Variants in LIN9 observed in about 807,000 individuals in gnomAD.
The protein encoded by LIN9 is lin-9 DREAM MuvB core complex component.
Under a neutral mutation model 78.0 loss-of-function variants are expected in LIN9, and 18 were observed. That is an observed-to-expected ratio of 0.23 (90% CI 0.16 to 0.34). The LOEUF (loss-of-function observed/expected upper bound fraction) is 0.34, where lower values mean the gene tolerates loss of function less well. Ranked by LOEUF, LIN9 falls within the 10% of genes least tolerant of loss-of-function variation. The pLI is 1.00. For synonymous variants in LIN9, 192 were observed against 215.2 expected (o/e 0.89, Z 0.94); for missense variants, 451 against 644.1 (o/e 0.70, Z 3.25).
At position 226,301,684 on chromosome 1, in the gene LIN9, C is replaced by T. The variant is rs117247239; in HGVS notation, c.32-479G>A. Among the ~76,000 whole-genome samples, 636 of 152,332 alleles carry T rather than the reference C, an allele frequency of 4.2e-3. 25 individuals are homozygous for T. In the South Asian group the frequency reaches 0.076, roughly 18 times the overall value. On this transcript the variant is annotated intron_variant, in intron 1 of 14. Coordinates refer to ENST00000681046, the MANE Select transcript of LIN9 (RefSeq NM_001366245.2). ...GTCTAGAATGCAGGTATATGTGATA[C>T]TTCAAGATCTAAGCTGGAAAAGGGA...
At chr1:226,300,196 C>T (rs1662436865) in intron 2 of LIN9, among the ~76,000 whole-genome samples, 1 of 152,046 alleles carries the variant, frequency 6.6e-6, no homozygotes, top group African/African-American at 2.4e-5. Flanking sequence ...CCTCAGCCTC[C>T]CAAAGTGCCG....
chr1:226,277,672 C>A, intron 7 of LIN9, 103 bp downstream of exon 7: 1 of 1,021,370 alleles, frequency 9.8e-7, no homozygotes. Flanking sequence ...GTAAATATTT[C>A]TTGGTAATTA....
chr1:226,251,054 A>G, intron 10 of LIN9, 135 bp from the exon 11 acceptor site: 2 of 504,788 alleles, frequency 4.0e-6, no homozygotes, highest in Non-Finnish European at 6.9e-6. Flanking sequence ...ATAGCATAGC[A>G]TTGTTTTGGT....
intron 1 of LIN9, among the ~76,000 whole-genome samples, chr1:226,306,488 G>A (rs879841596): frequency 2.6e-5 from 4 of 152,172 alleles, no homozygotes; most frequent in Admixed American, 6.5e-5. Flanking sequence ...AGGGGCCTTT[G>A]AAGCATCTAA....
At chr1:226,307,148 A>T (rs1662967428) in intron 1 of LIN9, among the ~76,000 whole-genome samples, 1 of 152,248 alleles carries the variant, frequency 6.6e-6, no homozygotes, top group East Asian at 1.9e-4. Flanking sequence ...TGGCAGTTGT[A>T]AGAAAGCCAC....
At chr1:226,234,016 G>A (rs372989634) in intron 12 of LIN9, among the ~76,000 whole-genome samples, 2 of 152,050 alleles carry the variant, frequency 1.3e-5, no homozygotes, top group South Asian at 4.1e-4. Context: ...ATGCATTTTT[G>A]GGCAGAAATA....
At chr1:226,309,581 G>A, upstream of LIN9, 1 of 1,224,188 alleles carries the variant, frequency 8.2e-7, no homozygotes, top group Non-Finnish European at 1.1e-6. Context: ...CCTCGGTTCT[G>A]GGTCGCATTG....
In LIN9 at chr1:226,277,829, T is replaced by G; in HGVS notation, c.628A>C (p.Lys210Gln). 6.2e-7 allele frequency: 1 copy of G among 1,613,970 alleles called. No individual in the cohort carries two copies. Among genetic ancestry groups the G allele is most frequent in the Non-Finnish European group, 8.5e-7 (1 of 1,179,930 alleles). ...QRKVADVSQF[K>Q]DLPDEIPLPL... ...AAAGGAATTTCATCTGGGAGATCTT[T>G]GAATTGTGAAACATCTGCAACTTTC... Residue 210 changes from lysine to glutamine, a missense_variant, in exon 7 of 15, where the codon AAA becomes CAA. Coordinates refer to ENST00000681046, the MANE Select transcript of LIN9 (RefSeq NM_001366245.2).
At chr1:226,252,051 T>C (rs993176024) in intron 10 of LIN9, among the ~76,000 whole-genome samples, 3 of 151,962 alleles carry the variant, frequency 2.0e-5, no homozygotes, top group African/African-American at 7.3e-5. Context: ...GCCCAAGAGT[T>C]TGTGACCACC....
At chr1:226,289,890 T>C (rs1404258145) in intron 4 of LIN9, among the ~76,000 whole-genome samples, 1 of 137,628 alleles carries the variant, frequency 7.3e-6, no homozygotes, top group Non-Finnish European at 1.5e-5. Flanking sequence ...CTTCATCCCT[T>C]ACTGCAAAAT....
At chr1:226,308,364 T>A (rs1431427523) in intron 1 of LIN9, among the ~76,000 whole-genome samples, 1 of 105,572 alleles carries the variant, frequency 9.5e-6, no homozygotes, top group African/African-American at 3.6e-5. Flanking sequence ...AGGGTACACG[T>A]ACGCTGTGTT....
At chr1:226,268,601 T>C (rs940525826) in intron 7 of LIN9, among the ~76,000 whole-genome samples, 1 of 152,214 alleles carries the variant, frequency 6.6e-6, no homozygotes, top group African/African-American at 2.4e-5. Flanking sequence ...GGTTTTACTG[T>C]GTCTAGATTG....
chr1:226,295,267 T>C (rs1000838398), intron 4 of LIN9, among the ~76,000 whole-genome samples: 12 of 151,692 alleles, frequency 7.9e-5, no homozygotes, highest in African/African-American at 2.7e-4. Flanking sequence ...CTGGCCAACA[T>C]GGTGAAACCC....
intron 1 of LIN9, 76 bp downstream of exon 1, chr1:226,309,033 C>G: frequency 2.3e-6 from 3 of 1,282,286 alleles, no homozygotes; most frequent in Non-Finnish European, 1.0e-6. Context: ...AGGGCACGGC[C>G]GTCCGTCCCG....
chr1:226,284,949 A>C (rs2102620964), intron 6 of LIN9, among the ~76,000 whole-genome samples: 1 of 152,276 alleles, frequency 6.6e-6, no homozygotes, highest in East Asian at 1.9e-4. Flanking sequence ...GATTTTTAAA[A>C]TTAAGATATT....
At chr1:226,245,733 GA>G (rs1658435904) in intron 11 of LIN9, among the ~76,000 whole-genome samples, 1 of 151,982 alleles carries the variant, frequency 6.6e-6, no homozygotes, top group African/African-American at 2.4e-5. Context: ...GCGTAGCTGG[GA>G]TTATAGCTGT....
At chr1:226,253,861 G>A (rs1659014129) in intron 10 of LIN9, among the ~76,000 whole-genome samples, 1 of 152,034 alleles carries the variant, frequency 6.6e-6, no homozygotes, top group Non-Finnish European at 1.5e-5. Context: ...TCTGCAATGA[G>A]CTAAGATCAC....
intron 4 of LIN9, among the ~76,000 whole-genome samples, chr1:226,292,673 C>G (rs1365572028): frequency 6.6e-6 from 1 of 152,142 alleles, no homozygotes; most frequent in Non-Finnish European, 1.5e-5. Context: ...GTTGCCCAAG[C>G]TGGTCTCAAA....
In LIN9 at chr1:226,239,056, C is replaced by G; in HGVS notation, c.1160G>C (p.Arg387Thr). 6.2e-7 allele frequency: 1 copy of G among 1,613,754 alleles called. No homozygotes were observed. Among genetic ancestry groups the G allele is most frequent in the Non-Finnish European group, 8.5e-7 (1 of 1,179,880 alleles). ...AAGCTCCAGAACAATTGTTGCATAT[C>G]TCCGCTGAAATTCAATGCTGATGGG... ...SMPISIEFQR[R>T]YATIVLELEQ... The change falls in exon 12 of 15, where the codon AGA (arginine) becomes ACA (threonine). Residue 387 changes from arginine to threonine, a missense_variant. By Grantham distance (71) the Arg-to-Thr change is moderately conservative. Coordinates refer to ENST00000681046, the MANE Select transcript of LIN9 (RefSeq NM_001366245.2).
Sources: allele counts gnomAD v4.1 joint callset (sites outside exome capture counted in the v4.1 genomes callset), GRCh38; gene constraint gnomAD v4.1.1; transcripts MANE v1.5; gene names NCBI Gene and HGNC (gene_info 2026-07-23, HGNC 2026-07-21).